ERBB4: variants seen among roughly 807,000 people sequenced by gnomAD.
ERBB4 encodes erb-b2 receptor tyrosine kinase 4, also known as receptor tyrosine-protein kinase erbB-4.
Under a neutral mutation model 158.0 loss-of-function variants are expected in ERBB4, and 42 were observed. The observed-to-expected ratio is 0.27, with a 90% CI of 0.21 to 0.34. The LOEUF is 0.34. Among genes scored for constraint, ERBB4 ranks in the 10% least tolerant of loss-of-function variants. The pLI is 1.00. For synonymous variants in ERBB4, 583 were observed against 558.7 expected (o/e 1.04, Z -0.61); for missense variants, 1,333 against 1,624.1 (o/e 0.82, Z 3.08).
intron 20 of ERBB4, among the ~76,000 whole-genome samples, chr2:211,559,218 C>T (rs1203022309): frequency 6.6e-6 from 1 of 152,112 alleles, no homozygotes; most frequent in Non-Finnish European, 1.5e-5. Flanking sequence ...CCATCTACTT[C>T]TCCTTATTGG....
intron 14 of ERBB4, among the ~76,000 whole-genome samples, chr2:211,667,492 A>G (rs533194918): frequency 6.6e-6 from 1 of 151,560 alleles, no homozygotes; most frequent in Non-Finnish European, 1.5e-5. Context: ...CTACCTGAGG[A>G]GTTTGCTAAT....
At chr2:211,987,874 T>C (rs2081977664) in intron 2 of ERBB4, among the ~76,000 whole-genome samples, 1 of 152,202 alleles carries the variant, frequency 6.6e-6, no homozygotes, top group Non-Finnish European at 1.5e-5. Context: ...TAATATCTTG[T>C]CCATTTAAAG....
chr2:211,545,859 A>T (rs2066927353), intron 20 of ERBB4, among the ~76,000 whole-genome samples: 1 of 152,020 alleles, frequency 6.6e-6, no homozygotes, highest in South Asian at 2.1e-4. Context: ...TAGCTGATAG[A>T]TGACTGTCAT....
chr2:212,119,405 T>C (rs1286296279), intron 2 of ERBB4, among the ~76,000 whole-genome samples: 1 of 152,228 alleles, frequency 6.6e-6, no homozygotes, highest in African/African-American at 2.4e-5. Context: ...AGTTATTAAG[T>C]GCCAGCAGTA....
chr2:212,195,206 G>A (rs1405613285), intron 1 of ERBB4, among the ~76,000 whole-genome samples: 1 of 151,872 alleles, frequency 6.6e-6, no homozygotes, highest in Non-Finnish European at 1.5e-5. Flanking sequence ...TAAATTTGGT[G>A]TTATTACTCT....
chr2:211,625,927 T>A (rs1471333861), intron 17 of ERBB4, among the ~76,000 whole-genome samples: 1 of 152,216 alleles, frequency 6.6e-6, no homozygotes, highest in African/African-American at 2.4e-5. Context: ...AGCTTTTCAG[T>A]CTTCTTTAAT....
At chr2:211,846,187 C>G (rs958454809) in intron 3 of ERBB4, among the ~76,000 whole-genome samples, 1 of 152,000 alleles carries the variant, frequency 6.6e-6, no homozygotes, top group African/African-American at 2.4e-5. Context: ...ATTAATGCAG[C>G]TTTTCAACCA....
At chr2:211,886,860 G>T (rs75460027) in intron 3 of ERBB4, among the ~76,000 whole-genome samples, 1,544 of 152,194 alleles carry the variant, frequency 0.01, 28 homozygotes, top group African/African-American at 0.034. Context: ...GCACATTGAA[G>T]GCAGTTAAAC....
intron 1 of ERBB4, among the ~76,000 whole-genome samples, chr2:212,129,849 G>A (rs1178627622): frequency 6.6e-6 from 1 of 151,780 alleles, no homozygotes; most frequent in Non-Finnish European, 1.5e-5. Context: ...AGATATTTTT[G>A]TCTCATTGAG....
At chr2:211,749,503 G>T (rs1326128005) in intron 5 of ERBB4, among the ~76,000 whole-genome samples, 1 of 144,020 alleles carries the variant, frequency 6.9e-6, no homozygotes, top group Non-Finnish European at 1.6e-5. Flanking sequence ...AGGGAAAAAG[G>T]TGGGACCCAC....
intron 20 of ERBB4, among the ~76,000 whole-genome samples, chr2:211,532,837 T>C (rs192622594): frequency 6.6e-4 from 100 of 152,100 alleles, no homozygotes; most frequent in African/African-American, 2.1e-3. Context: ...AAAAAGTTAT[T>C]ATTTCTCTAT....
At chr2:212,046,796 T>C (rs1271379684) in intron 2 of ERBB4, among the ~76,000 whole-genome samples, 1 of 152,164 alleles carries the variant, frequency 6.6e-6, no homozygotes, top group African/African-American at 2.4e-5. Flanking sequence ...ACGTTTGCTG[T>C]TTGCTGGTTG....
intron 7 of ERBB4, among the ~76,000 whole-genome samples, chr2:211,721,045 T>C (rs1187939808): frequency 6.6e-6 from 1 of 152,082 alleles, no homozygotes; most frequent in African/African-American, 2.4e-5. Context: ...GTGCTTCCCT[T>C]TGGAAATCTG....
At chr2:211,927,597 C>A (rs1475628833) in intron 3 of ERBB4, among the ~76,000 whole-genome samples, 3 of 152,052 alleles carry the variant, frequency 2.0e-5, no homozygotes, top group Non-Finnish European at 2.9e-5. Context: ...TAACAGAATG[C>A]CTTCAAGCAA....
chr2:211,487,501 C>A (rs1410219477), intron 20 of ERBB4, among the ~76,000 whole-genome samples: 1 of 152,000 alleles, frequency 6.6e-6, no homozygotes, highest in African/African-American at 2.4e-5. Context: ...TGTAGACATA[C>A]ACTCAAAACA....
chr2:212,268,769 C>G (rs1469643535), intron 1 of ERBB4, among the ~76,000 whole-genome samples: 1 of 151,764 alleles, frequency 6.6e-6, no homozygotes, highest in Non-Finnish European at 1.5e-5. Flanking sequence ...AGATTTGATC[C>G]TTGGGTAATA....
intron 1 of ERBB4, among the ~76,000 whole-genome samples, chr2:212,260,682 G>A (rs1039817433): frequency 2.0e-5 from 3 of 151,938 alleles, no homozygotes; most frequent in Non-Finnish European, 2.9e-5. Context: ...GCATGGTGGC[G>A]GGTGCTTGCA....
intron 2 of ERBB4, among the ~76,000 whole-genome samples, chr2:212,023,514 A>ATT (rs5838294): frequency 1.4e-5 from 2 of 143,756 alleles, no homozygotes; most frequent in Non-Finnish European, 3.0e-5. Context: ...ATACAAGTTA[A>ATT]TTTTTTAAAA....
intron 1 of ERBB4, among the ~76,000 whole-genome samples, chr2:212,467,249 T>C (rs1430618123): frequency 6.6e-6 from 1 of 152,202 alleles, no homozygotes; most frequent in African/African-American, 2.4e-5. Context: ...TTTGCATAAG[T>C]AATGAGGAGC....
Sources: gnomAD v4.1 joint callset for allele counts (sites outside exome capture counted in the v4.1 genomes callset) on GRCh38, gnomAD v4.1.1 for gene constraint, MANE v1.5 for transcripts, NCBI Gene and HGNC (gene_info 2026-07-23, HGNC 2026-07-21) for gene names.